SCN11A: variants seen among roughly 807,000 people sequenced by gnomAD.
The protein encoded by SCN11A is sodium channel protein type 11 subunit alpha.
In SCN11A, 122 loss-of-function variants were observed where a neutral mutation model predicts 162.2. That is an observed-to-expected ratio of 0.75 (90% CI 0.65 to 0.87). SCN11A has a LOEUF of 0.87. Ranked by LOEUF, SCN11A falls within the 40% of genes least tolerant of loss-of-function variation. The pLI is 0.00. For missense variants in SCN11A, 2,015 were observed against 2,181.6 expected, an observed-to-expected ratio of 0.92 and a Z score of 1.52; for synonymous variants, 758 against 751.5, an observed-to-expected ratio of 1.01 and a Z score of -0.14.
At chr3:38,935,119 T>G (rs893944130) in intron 7 of SCN11A, among the ~76,000 whole-genome samples, 7 of 152,206 alleles carry the variant, frequency 4.6e-5, no homozygotes, top group Non-Finnish European at 7.3e-5. Flanking sequence ...AACCTGCTCC[T>G]GAATGACTAC....
chr3:38,908,273 G>A (rs2065832878), intron 13 of SCN11A, 151 bp from the exon 14 acceptor site: 4 of 673,386 alleles, frequency 5.9e-6, no homozygotes, highest in Admixed American at 6.1e-5. Context: ...CGCTAGCTCT[G>A]TTATTTATCT....
intron 2 of SCN11A, among the ~76,000 whole-genome samples, chr3:38,997,400 GTC>G (rs2030677834): frequency 6.6e-6 from 1 of 152,154 alleles, no homozygotes; most frequent in African/African-American, 2.4e-5. Flanking sequence ...TCTCCTTTAA[GTC>G]TCTGCTCAAC....
At chr3:39,021,584 G>C (rs1408533363) in intron 2 of SCN11A, among the ~76,000 whole-genome samples, 1 of 152,106 alleles carries the variant, frequency 6.6e-6, no homozygotes, top group Non-Finnish European at 1.5e-5. Context: ...AGATGTTGTG[G>C]GGACCTGAGT....
intron 3 of SCN11A, among the ~76,000 whole-genome samples, chr3:38,958,008 G>A (rs569578709): frequency 9.8e-5 from 15 of 152,288 alleles, no homozygotes; most frequent in African/African-American, 3.4e-4. Flanking sequence ...GGAGGGAGGT[G>A]GCCTGGACAA....
At chr3:38,856,023 A>T (rs1328049008) in intron 28 of SCN11A, among the ~76,000 whole-genome samples, 2 of 152,148 alleles carry the variant, frequency 1.3e-5, no homozygotes, top group Non-Finnish European at 2.9e-5. Context: ...GGAGTGCACC[A>T]CATCAGGGGA....
chr3:39,019,113 A>G (rs2031376074), intron 2 of SCN11A, among the ~76,000 whole-genome samples: 1 of 152,224 alleles, frequency 6.6e-6, no homozygotes, highest in African/African-American at 2.4e-5. Flanking sequence ...GTGTAGACAT[A>G]AACAATTGCC....
At chr3:38,865,757 A>G (rs2065029467) in intron 27 of SCN11A, among the ~76,000 whole-genome samples, 1 of 152,196 alleles carries the variant, frequency 6.6e-6, no homozygotes, top group Non-Finnish European at 1.5e-5. Flanking sequence ...AAAAATAGAC[A>G]AATGATATAA....
intron 2 of SCN11A, among the ~76,000 whole-genome samples, chr3:39,023,020 C>T (rs73064265): frequency 0.016 from 2,436 of 152,106 alleles, 32 homozygotes; most frequent in Non-Finnish European, 0.026. Context: ...TGATATTATG[C>T]TTACAAATTT....
At position 38,903,857 on chromosome 3, in the gene SCN11A, AAT is replaced by A; in HGVS notation, c.1842+6_1842+7del. 1 of 1,544,418 alleles carries A rather than the reference AAT, an allele frequency of 6.5e-7. No individual in the cohort carries two copies. Among genetic ancestry groups the A allele is most frequent in the Non-Finnish European group, 8.8e-7 (1 of 1,131,038 alleles). On this transcript the variant is annotated splice_donor_region_variant and intron_variant, in intron 16 of 29. Transcript: ENST00000302328. Reference sequence around the variant, plus strand: ...TATGTTTTTTATTTTTAAAAAGTGTAATGTTACCAAATTCCCTATATTCAACA... The same window carrying A: ...TATGTTTTTTATTTTTAAAAAGTGTAGTTACCAAATTCCCTATATTCAACA...
intron 2 of SCN11A, among the ~76,000 whole-genome samples, chr3:39,024,552 A>G (rs531252698): frequency 6.6e-6 from 1 of 152,352 alleles, no homozygotes; most frequent in Admixed American, 6.5e-5. Context: ...CCTGTTCCCC[A>G]AGGCAGGTCA....
chr3:39,048,066 CCA>C (rs1200811112), intron 1 of SCN11A, among the ~76,000 whole-genome samples: 4 of 152,138 alleles, frequency 2.6e-5, no homozygotes, highest in Non-Finnish European at 5.9e-5. Flanking sequence ...ACCTGTCCTC[CCA>C]CAGTTACTGC....
intron 2 of SCN11A, among the ~76,000 whole-genome samples, chr3:38,965,663 C>G (rs911671639): frequency 2.6e-5 from 4 of 152,220 alleles, no homozygotes; most frequent in African/African-American, 9.6e-5. Context: ...ATTTCCCAAT[C>G]TCTGAATTTC....
rs1421837513 is a variant in SCN11A, at chr3:39,013,375, G to A, written c.-280+19005C>T. On this transcript the variant is annotated intron_variant, in intron 2 of 29. Coordinates refer to ENST00000302328, the MANE Select transcript of SCN11A (RefSeq NM_001349253.2). ...TAGTTGGAGCTATGCAGGAGATCCAGTCCCTGCTGGAGATGATGCTAGGAC... is the reference window on the plus strand; with the variant it reads ...TAGTTGGAGCTATGCAGGAGATCCAATCCCTGCTGGAGATGATGCTAGGAC... Among the ~76,000 whole-genome samples the A allele has an allele frequency of 2.6e-5, 4 of 151,862 alleles. No homozygotes were observed. In the East Asian group the frequency reaches 7.7e-4, roughly 29 times the overall value.
At chr3:38,866,656 T>C (rs1228506938) in intron 27 of SCN11A, among the ~76,000 whole-genome samples, 1 of 152,244 alleles carries the variant, frequency 6.6e-6, no homozygotes, top group East Asian at 1.9e-4. Flanking sequence ...GAATGGATTA[T>C]ATCAAAATCA....
intron 11 of SCN11A, 49 bp from the exon 12 acceptor site, chr3:38,910,256 G>A (rs1156546282): frequency 6.4e-7 from 1 of 1,570,332 alleles, no homozygotes; most frequent in Non-Finnish European, 8.7e-7. Context: ...CCACAGCCAA[G>A]CTTCTTTTTC....
Position 38,871,604 on chromosome 3 carries a change from AAAG to A in SCN11A, c.3597_3599del (p.Phe1200del), listed in dbSNP as rs752609562. ...TAATGCATTTCCCAAATTTTCCAGA[AAAG>A]AAGTATACTCCCAGAATACAAAATA... On this transcript the variant is annotated inframe_deletion, in exon 25 of 30. Transcript: ENST00000302328. The A allele has an allele frequency of 3.7e-6, 6 of 1,613,088 alleles. No homozygotes were observed. The highest frequency in any genetic ancestry group is 1.7e-5 in the Admixed American group (1 of 59,900).
chr3:38,966,335 T>C (rs997796887), intron 2 of SCN11A, among the ~76,000 whole-genome samples: 1 of 152,212 alleles, frequency 6.6e-6, no homozygotes, highest in Non-Finnish European at 1.5e-5. Context: ...CATTTGTTAA[T>C]GTCATAGTTC....
chr3:38,982,011 C>CA (rs34151284), intron 2 of SCN11A, among the ~76,000 whole-genome samples: 5,046 of 102,490 alleles, frequency 0.049, 166 homozygotes, highest in African/African-American at 0.12. Context: ...GACTCTGTCT[C>CA]AAAAAAAAAA....
intron 28 of SCN11A, among the ~76,000 whole-genome samples, chr3:38,853,595 AT>A (rs1361748393): frequency 7.9e-5 from 12 of 152,114 alleles, no homozygotes; most frequent in Admixed American, 6.5e-5. Flanking sequence ...CTTAAAACAT[AT>A]TTTTTTGTTC....
Sources: gnomAD v4.1 joint callset for allele counts (sites outside exome capture counted in the v4.1 genomes callset) on GRCh38, gnomAD v4.1.1 for gene constraint, MANE v1.5 for transcripts, NCBI Gene and HGNC (gene_info 2026-07-23, HGNC 2026-07-21) for gene names.